The following ITGA2 variants were observed in gnomAD, a reference collection of about 807,000 sequenced individuals.
ITGA2 encodes the protein integrin subunit alpha 2.
Under a neutral mutation model 146.3 loss-of-function variants are expected in ITGA2, and 101 were observed. The ratio of observed to expected loss-of-function variants is 0.69; its 90% confidence interval spans 0.59 to 0.81. ITGA2 has a LOEUF of 0.81. ITGA2 is among the 40% of genes least tolerant of loss of function. The pLI is 0.00. For missense variants in ITGA2, 1,281 were observed against 1,402.7 expected (o/e 0.91, Z 1.39); for synonymous variants, 477 against 487.1 (o/e 0.98, Z 0.27).
intron 15 of ITGA2, among the ~76,000 whole-genome samples, 166 bp downstream of exon 15, chr5:53,066,143 G>A (rs1745140077): frequency 6.6e-6 from 1 of 151,828 alleles, no homozygotes; most frequent in Admixed American, 6.6e-5. Context: ...TTCCAAGTAG[G>A]AAAAATAGAT....
At chr5:53,081,999 A>G (rs187914266) in intron 26 of ITGA2, among the ~76,000 whole-genome samples, 8 of 152,200 alleles carry the variant, frequency 5.3e-5, no homozygotes, top group Non-Finnish European at 1.2e-4. Flanking sequence ...ATGTGAAGCT[A>G]TTGTGTTTAT....
Position 53,055,529 on chromosome 5 carries a change from C to G in ITGA2, c.780-9C>G. 1.2e-6 allele frequency: 2 copies of G among 1,612,224 alleles called. No individual in the cohort carries two copies. Among genetic ancestry groups the G allele is most frequent in the Non-Finnish European group, 1.7e-6 (2 of 1,178,722 alleles). ...ATAGCAAGTCTTTATTTAATTTTAT[C>G]TGCCACAGAAAATATGCTTATTCAG... On this transcript the variant is annotated splice_polypyrimidine_tract_variant and intron_variant, in intron 7 of 29. Coordinates refer to ENST00000296585, the MANE Select transcript of ITGA2 (RefSeq NM_002203.4).
intron 1 of ITGA2, among the ~76,000 whole-genome samples, chr5:53,011,106 C>A (rs1376013358): frequency 6.6e-6 from 1 of 152,114 alleles, no homozygotes; most frequent in African/African-American, 2.4e-5. Flanking sequence ...GACTTCTGAC[C>A]TTCAGAACTG....
At chr5:53,067,359 T>TTTC in intron 16 of ITGA2, 102 bp downstream of exon 16, 3 of 1,285,210 alleles carry the variant, frequency 2.3e-6, no homozygotes, top group Non-Finnish European at 3.3e-6. Context: ...AAATAAGGGT[T>TTTC]TTAGTTATAG....
chr5:53,009,565 T>TA (rs1561087321), intron 1 of ITGA2, among the ~76,000 whole-genome samples: 1 of 152,154 alleles, frequency 6.6e-6, no homozygotes, highest in African/African-American at 2.4e-5. Context: ...AGCCTGTTTT[T>TA]ACCTGCTAGA....
At chr5:53,066,039 A>G (rs779363716) in intron 15 of ITGA2, 62 bp downstream of exon 15, 2 of 1,459,296 alleles carry the variant, frequency 1.4e-6, no homozygotes, top group Non-Finnish European at 1.9e-6. Flanking sequence ...AGCAGAACAG[A>G]TGTCTGTACT....
At position 53,055,681 on chromosome 5, in the gene ITGA2, G is replaced by C. The variant is rs1744596435; in HGVS notation, c.923G>C (p.Gly308Ala). The C allele has an allele frequency of 1.2e-6, 2 of 1,612,916 alleles. No individual in the cohort carries two copies. The highest frequency in any genetic ancestry group is 2.7e-5 in the African/African-American group (2 of 74,858). ...QCNHDNILRFGIAVLGYLNRN... is the reference protein window; with the variant it reads ...QCNHDNILRFAIAVLGYLNRN... ...AACCATGACAATATACTGAGGTTTG[G>C]CATAGCAGTAAGTGGCTTTTCTTTT... The change falls in exon 8 of 30, where the codon GGC becomes GCC. Residue 308 changes from glycine (G) to alanine (A), a missense_variant. Around this residue, in one of 3 missense-constraint regions of ITGA2, gnomAD observed 795 missense variants for 841.7 expected, o/e 0.94. Transcript: ENST00000296585.
rs368644661 is a variant in ITGA2, at chr5:53,072,609, G to A, written c.2347-4G>A. ...ATGTATGGATCTTTTTTCCTTTTTC[G>A]TAGATTCCTTTCCACAAAGACTGTG... On this transcript the variant is annotated splice_polypyrimidine_tract_variant and splice_region_variant and intron_variant, in intron 18 of 29. Transcript: ENST00000296585. The A allele has an allele frequency of 3.2e-5, 51 of 1,606,188 alleles. No homozygotes were observed. The highest frequency in any genetic ancestry group is 4.3e-5 in the Non-Finnish European group (50 of 1,176,332).
chr5:53,043,740 T>G (rs1387750188), intron 3 of ITGA2, among the ~76,000 whole-genome samples: 1 of 152,174 alleles, frequency 6.6e-6, no homozygotes, highest in Non-Finnish European at 1.5e-5. Context: ...GGATGATTTG[T>G]CCAGGATAGA....
intron 1 of ITGA2, among the ~76,000 whole-genome samples, chr5:52,994,907 A>T (rs979800912): frequency 1.3e-5 from 2 of 152,194 alleles, no homozygotes; most frequent in Non-Finnish European, 2.9e-5. Context: ...GCCTCCTGAG[A>T]TGTCTTCATG....
At chr5:53,017,773 G>A (rs768034637) in intron 1 of ITGA2, among the ~76,000 whole-genome samples, 4 of 152,168 alleles carry the variant, frequency 2.6e-5, no homozygotes, top group Non-Finnish European at 4.4e-5. Context: ...GGGTATGGTA[G>A]GATGAGCATG....
At position 53,069,197 on chromosome 5, in the gene ITGA2, T is replaced by A. The variant is rs559351680; in HGVS notation, c.2084-912T>A. On this transcript the variant is annotated intron_variant, in intron 16 of 29. Coordinates refer to ENST00000296585, the MANE Select transcript of ITGA2 (RefSeq NM_002203.4). ...AGCTGATGCTGTGAATGGCACCAGG[T>A]GTTCTCTCTCAATTTTGGACACACG... is the stretch of plus-strand genomic sequence containing the variant. 1.6e-3 allele frequency among the ~76,000 whole-genome samples: 240 copies of A among 151,954 alleles called. 1 individual carries two copies. The highest frequency in any genetic ancestry group is 3.1e-3 in the Non-Finnish European group (208 of 67,840).
chr5:53,073,732 C>G (rs1039654696), intron 20 of ITGA2, among the ~76,000 whole-genome samples: 24 of 151,664 alleles, frequency 1.6e-4, no homozygotes, highest in African/African-American at 5.6e-4. Flanking sequence ...CCTCTACCAC[C>G]AAATTATGAA....
Position 53,064,900 on chromosome 5 carries a change from C to T in ITGA2, c.1603-12C>T, listed in dbSNP as rs754780806. On this transcript the variant is annotated splice_polypyrimidine_tract_variant and intron_variant, in intron 13 of 29. Coordinates refer to ENST00000296585, the MANE Select transcript of ITGA2 (RefSeq NM_002203.4). ...GTTTGCTTTAATCATCCTTTTGTTT[C>T]CCCTTTGCAAGGGCATTTTGGGTCA... 1.2e-6 allele frequency: 2 copies of T among 1,611,102 alleles called. No individual in the cohort carries two copies. The highest frequency in any genetic ancestry group is 1.7e-6 in the Non-Finnish European group (2 of 1,177,782).
chr5:52,997,240 A>G (rs1033115428), intron 1 of ITGA2, among the ~76,000 whole-genome samples: 1 of 152,190 alleles, frequency 6.6e-6, no homozygotes. Context: ...TCTGTTGCCC[A>G]AATAGGTAAC....
chr5:53,067,297 CT>C, intron 16 of ITGA2, 40 bp downstream of exon 16: 1 of 1,608,700 alleles, frequency 6.2e-7, no homozygotes, highest in Non-Finnish European at 8.5e-7. Context: ...AATTGGTTGG[CT>C]TACAGAGTTT....
chr5:53,016,471 G>T (rs1457204501), intron 1 of ITGA2, among the ~76,000 whole-genome samples: 1 of 152,128 alleles, frequency 6.6e-6, no homozygotes, highest in Non-Finnish European at 1.5e-5. Context: ...GCCTGATGGG[G>T]TTCCCTTTAT....
At chr5:53,027,857 G>A (rs1236715354) in intron 2 of ITGA2, among the ~76,000 whole-genome samples, 6 of 152,152 alleles carry the variant, frequency 3.9e-5, no homozygotes, top group Non-Finnish European at 7.3e-5. Context: ...TGAGGTGGGA[G>A]GATCACTTGA....
chr5:53,090,233 A>T (rs1740344609), intron 29 of ITGA2, among the ~76,000 whole-genome samples, 171 bp downstream of exon 29: 1 of 152,138 alleles, frequency 6.6e-6, no homozygotes, highest in Non-Finnish European at 1.5e-5. Flanking sequence ...ACCAGTAAGG[A>T]TTTTTCTTCT....
Sources: allele counts gnomAD v4.1 joint callset (sites outside exome capture counted in the v4.1 genomes callset), GRCh38; gene constraint gnomAD v4.1.1; regional missense constraint gnomAD v4.1.1; transcripts MANE v1.5; gene names NCBI Gene and HGNC (gene_info 2026-07-23, HGNC 2026-07-21).